The following FAM171A1 variants were observed in gnomAD, a reference collection of about 807,000 sequenced individuals.
FAM171A1 encodes family with sequence similarity 171 member A1.
A neutral mutation model predicts 74.9 loss-of-function variants in FAM171A1; 23 were observed. The observed-to-expected ratio is 0.31, with a 90% CI of 0.22 to 0.44. The LOEUF (loss-of-function observed/expected upper bound fraction) is 0.44, where lower values mean the gene tolerates loss of function less well. Ranked by LOEUF, FAM171A1 falls within the 20% of genes least tolerant of loss-of-function variation. The pLI, the probability that FAM171A1 is intolerant of heterozygous loss-of-function variation, is 1.00. For synonymous variants in FAM171A1, 527 were observed against 505.7 expected, an observed-to-expected ratio of 1.04 and a Z score of -0.57; for missense variants, 1,162 against 1,159.2, an observed-to-expected ratio of 1.00 and a Z score of -0.03.
rs2131696760 is a variant in FAM171A1 at position 15,212,681 on chromosome 10, C to T, written c.*234G>A. 8.4e-6 allele frequency: 5 copies of T among 597,130 alleles called. No homozygotes were observed. The highest frequency in any genetic ancestry group is 6.3e-5 in the South Asian group (3 of 47,562). 37.0% of individuals were successfully genotyped at this position (597,130 alleles called of 1,614,324 possible). On this transcript the variant is annotated 3_prime_UTR_variant, in exon 8 of 8. Coordinates refer to ENST00000378116, the MANE Select transcript of FAM171A1 (RefSeq NM_001010924.2). ...CCGAGTCCTCGGAAGGACATCTGGA[C>T]ACCACTTTCAGCCACCTCCTTGCAG...
chr10:15,371,075 G>T lies in FAM171A1; in HGVS notation c.-23C>A, dbSNP rs1473159934. 9.8e-7 allele frequency: 1 copy of T among 1,024,308 alleles called. No individual in the cohort carries two copies. The allele number at this position is 1,024,308 out of a possible 1,614,324, so 63.5% of individuals were successfully genotyped here. A position where few individuals can be genotyped will look rare whatever the true frequency, so the allele number is the denominator to read the frequency against. ...CATCTCCGCCGCGGGGCCGGCGGCG[G>T]CTCGGGCTCGCCGAGAGCGGGCCGG... On this transcript the variant is annotated 5_prime_UTR_variant, in exon 1 of 8. Coordinates refer to ENST00000378116, the MANE Select transcript of FAM171A1 (RefSeq NM_001010924.2).
chr10:15,216,812 T>C (rs1477949472), intron 6 of FAM171A1, among the ~76,000 whole-genome samples: 1 of 146,736 alleles, frequency 6.8e-6, no homozygotes, highest in East Asian at 2.0e-4. Flanking sequence ...ATGGCCTATC[T>C]GGGAATTTTA....
chr10:15,303,705 C>T (rs1175817436), intron 1 of FAM171A1, among the ~76,000 whole-genome samples: 1 of 152,256 alleles, frequency 6.6e-6, no homozygotes, highest in African/African-American at 2.4e-5. Context: ...TTATCCTTCA[C>T]ATTGGTGTTC....
intron 6 of FAM171A1, among the ~76,000 whole-genome samples, chr10:15,220,663 G>A (rs1834025957): frequency 6.6e-6 from 1 of 151,962 alleles, no homozygotes; most frequent in African/African-American, 2.4e-5. Context: ...TGGTCTCTGT[G>A]GGCTTTTGAT....
At position 15,316,587 on chromosome 10, in the gene FAM171A1, A is replaced by G. The variant is rs550817983; in HGVS notation, c.98-32482T>C. 2.6e-5 allele frequency among the ~76,000 whole-genome samples: 4 copies of G among 152,298 alleles called. No homozygotes were observed. In the East Asian group the frequency reaches 7.7e-4, roughly 29 times the overall value. ...AGAATGGACAGGACACCTCCAACCA[A>G]TAACTTTTGTGCTTGCCTTTCAATA... On this transcript the variant is annotated intron_variant, in intron 1 of 7. Coordinates refer to ENST00000378116, the MANE Select transcript of FAM171A1 (RefSeq NM_001010924.2).
chr10:15,214,586 T>A lies in FAM171A1; in HGVS notation c.1002A>T (p.Lys334Asn), dbSNP rs765611365. The A allele has an allele frequency of 3.8e-6, 6 of 1,593,388 alleles. No individual in the cohort carries two copies. The African/African-American group carries it at 8.1e-5, about 22-fold the overall frequency. Reference protein sequence around the residue: ...LLYYCRRKCLKPRQHHRKLQL... With the variant: ...LLYYCRRKCLNPRQHHRKLQL... ...GCAGTTTTCTGTGGTGCTGACGAGG[T>A]TTCAAGCACTTCCTCCTGCGCCCAA... Residue 334 changes from lysine (K) to asparagine (N), a missense_variant, in exon 8 of 8, where the codon AAA (lysine) becomes AAT (asparagine). By Grantham distance (94) the Lys-to-Asn change is moderately conservative. Transcript: ENST00000378116.
chr10:15,325,596 G>A (rs982140383), intron 1 of FAM171A1, among the ~76,000 whole-genome samples: 33 of 152,142 alleles, frequency 2.2e-4, no homozygotes, highest in African/African-American at 7.7e-4. Context: ...TTATGTCAGG[G>A]GCTTTCCATT....
upstream of FAM171A1, among the ~76,000 whole-genome samples, chr10:15,372,743 A>C (rs562074176): frequency 1.7e-3 from 260 of 152,030 alleles, 2 homozygotes; most frequent in African/African-American, 6.0e-3. Context: ...CCACCAAAAA[A>C]ACCACACACA....
intron 3 of FAM171A1, among the ~76,000 whole-genome samples, chr10:15,271,527 C>A (rs1260349313): frequency 1.3e-5 from 2 of 151,974 alleles, no homozygotes; most frequent in Non-Finnish European, 2.9e-5. Flanking sequence ...TCAGGAAAAA[C>A]AGAATGCCAC....
chr10:15,308,281 T>C (rs1353320448), intron 1 of FAM171A1, among the ~76,000 whole-genome samples: 1 of 152,198 alleles, frequency 6.6e-6, no homozygotes, highest in Non-Finnish European at 1.5e-5. Context: ...GAAGGGCATA[T>C]ACTCTCATGT....
At chr10:15,226,440 G>A (rs762468271) in intron 5 of FAM171A1, among the ~76,000 whole-genome samples, 18 of 152,066 alleles carry the variant, frequency 1.2e-4, no homozygotes, top group Non-Finnish European at 2.1e-4. Context: ...GGATTCTTAG[G>A]CAGAAACTAA....
chr10:15,224,450 C>T (rs928866339), intron 5 of FAM171A1, among the ~76,000 whole-genome samples: 1 of 152,128 alleles, frequency 6.6e-6, no homozygotes, highest in African/African-American at 2.4e-5. Context: ...ATGGTTGGAG[C>T]TTCTCCCACT....
intron 1 of FAM171A1, among the ~76,000 whole-genome samples, chr10:15,332,090 T>C (rs779083055): frequency 7.3e-5 from 11 of 151,360 alleles, no homozygotes; most frequent in Non-Finnish European, 1.5e-4. Context: ...GTAGCTGGGA[T>C]TACAGGTGGG....
At position 15,301,362 on chromosome 10, in the gene FAM171A1, ATT is replaced by A. The variant is rs71390027; in HGVS notation, c.98-17259_98-17258del. Among the ~76,000 whole-genome samples the A allele has an allele frequency of 4.2e-5, 6 of 141,552 alleles. 1 individual carries two copies. The highest frequency in any genetic ancestry group is 1.4e-4 in the Admixed American group (2 of 13,930). 92.9% of individuals were successfully genotyped at this position (141,552 alleles called of 152,430 possible). On this transcript the variant is annotated intron_variant, in intron 1 of 7. Coordinates refer to ENST00000378116, the MANE Select transcript of FAM171A1 (RefSeq NM_001010924.2). ...CGCCCAGCTATATATATATATATAT[ATT>A]TTTTTTTTTTGTATTTTTAGTAGAG...
At position 15,270,182 on chromosome 10, in the gene FAM171A1, T is replaced by C. The variant is rs183690438; in HGVS notation, c.418+5673A>G. ...GAAAATCGGGACACTCCCACCCTAA[T>C]ACTGCACTTTTCTAACAGTCTTAGC... On this transcript the variant is annotated intron_variant, in intron 3 of 7. Transcript: ENST00000378116. 4.7e-3 allele frequency among the ~76,000 whole-genome samples: 720 copies of C among 152,288 alleles called. 4 individuals carry two copies. The highest frequency in any genetic ancestry group is 0.015 in the African/African-American group (640 of 41,544).
At chr10:15,234,000 T>C (rs931932867) in intron 5 of FAM171A1, among the ~76,000 whole-genome samples, 1 of 151,944 alleles carries the variant, frequency 6.6e-6, no homozygotes, top group Admixed American at 6.6e-5. Context: ...TTATGCAACC[T>C]TGGAAGGGAG....
At chr10:15,374,123 T>C (rs549298183), upstream of FAM171A1, among the ~76,000 whole-genome samples, 1 of 152,308 alleles carries the variant, frequency 6.6e-6, no homozygotes, top group South Asian at 2.1e-4. Context: ...TGGTTGTTAT[T>C]ATCGTGTATA....
chr10:15,328,888 T>G (rs1392288968), intron 1 of FAM171A1, among the ~76,000 whole-genome samples: 1 of 152,170 alleles, frequency 6.6e-6, no homozygotes, highest in African/African-American at 2.4e-5. Context: ...CTCGGGTCCC[T>G]CATTGGGCTT....
At position 15,242,120 on chromosome 10, in the gene FAM171A1, T is replaced by C. The variant is rs182041955; in HGVS notation, c.754+6519A>G. On this transcript the variant is annotated intron_variant, in intron 5 of 7. Transcript: ENST00000378116. The stretch of plus-strand genomic sequence containing the variant: ...TTGAGATGATCGATTACTGTAATCA[T>C]AAATAGCAGCTAATTATTAAATTGT... Among the ~76,000 whole-genome samples, 138 of 152,352 alleles carry C rather than the reference T, an allele frequency of 9.1e-4. 1 individual carries two copies. The highest frequency in any genetic ancestry group is 8.9e-3 in the Admixed American group (136 of 15,300).
Sources: allele counts gnomAD v4.1 joint callset (sites outside exome capture counted in the v4.1 genomes callset), GRCh38; gene constraint gnomAD v4.1.1; transcripts MANE v1.5; gene names NCBI Gene and HGNC (gene_info 2026-07-23, HGNC 2026-07-21).